CCDC62: variants seen among roughly 807,000 people sequenced by gnomAD.
The protein encoded by CCDC62 is coiled-coil domain containing 62, also known as coiled-coil domain-containing protein 62.
In CCDC62, 72 loss-of-function variants were observed where a neutral mutation model predicts 80.8. The observed-to-expected ratio is 0.89, with a 90% CI of 0.74 to 1.08. CCDC62 has a LOEUF of 1.08. CCDC62 is among the 50% of genes least tolerant of loss of function. CCDC62 has a pLI of 0.00. For missense variants in CCDC62, 704 were observed against 809.4 expected (o/e 0.87, Z 1.58); for synonymous variants, 286 against 296.5 (o/e 0.96, Z 0.36).
chr12:122,784,610 C>T (rs533783909), intron 3 of CCDC62, among the ~76,000 whole-genome samples: 4 of 151,878 alleles, frequency 2.6e-5, no homozygotes, highest in East Asian at 1.9e-4. Context: ...GTGGGAGGAT[C>T]GCTTAAGGCC....
At chr12:122,780,449 T>TA (rs1156741251) in intron 2 of CCDC62, among the ~76,000 whole-genome samples, 2 of 150,308 alleles carry the variant, frequency 1.3e-5, no homozygotes, top group Non-Finnish European at 3.0e-5. Flanking sequence ...CCGTCTCTAC[T>TA]AAAAATACAA....
At chr12:122,813,714 T>G (rs2032041774) in intron 11 of CCDC62, among the ~76,000 whole-genome samples, 1 of 152,156 alleles carries the variant, frequency 6.6e-6, no homozygotes, top group African/African-American at 2.4e-5. Flanking sequence ...TGAGGTGCAG[T>G]GGCACGATCT....
chr12:122,782,706 C>A (rs1382267789), intron 3 of CCDC62, among the ~76,000 whole-genome samples: 1 of 152,018 alleles, frequency 6.6e-6, no homozygotes. Flanking sequence ...GATCCGCCCG[C>A]CTCAGCCTCC....
At position 122,777,334 on chromosome 12, in the gene CCDC62, T is replaced by G. The variant is rs1031212072; in HGVS notation, c.37-157T>G. The G allele has an allele frequency of 1.6e-5, 10 of 612,342 alleles. No homozygotes were observed. The African/African-American group carries it at 1.9e-4, about 11-fold the overall frequency. The allele number at this position is 612,342 out of a possible 1,614,324, so 37.9% of individuals were successfully genotyped here. A position where few individuals can be genotyped will look rare whatever the true frequency, so the allele number is the denominator to read the frequency against. On this transcript the variant is annotated intron_variant, in intron 1 of 12. Transcript: ENST00000253079. ...TGGTAGATTTTAACTTGAACATGTT[T>G]TAAGTATACATAATCTTTTGCTGCC...
At chr12:122,786,075 C>T (rs2030201483) in intron 4 of CCDC62, among the ~76,000 whole-genome samples, 1 of 152,218 alleles carries the variant, frequency 6.6e-6, no homozygotes, top group Non-Finnish European at 1.5e-5. Flanking sequence ...TCTGAATTAA[C>T]TTGTTTTCTC....
intron 11 of CCDC62, among the ~76,000 whole-genome samples, chr12:122,814,146 T>C (rs910154231): frequency 5.9e-5 from 9 of 151,736 alleles, no homozygotes; most frequent in African/African-American, 2.2e-4. Context: ...CCGGACATAG[T>C]GGCACATGCC....
rs116089017 is a variant in CCDC62, at chr12:122,808,514, T to G, written c.1851+2219T>G. On this transcript the variant is annotated intron_variant, in intron 10 of 12. Transcript: ENST00000253079. ...AATGCTAGCTAGCTCATATGGTAGG[T>G]GTATATTTAACCTTTTTTTTTCTTT... 9.4e-3 allele frequency among the ~76,000 whole-genome samples: 1,427 copies of G among 151,978 alleles called. 31 individuals are homozygous for G. The highest frequency in any genetic ancestry group is 0.033 in the African/African-American group (1,388 of 41,438).
At chr12:122,797,275 GA>G in intron 6 of CCDC62, 31 bp from the exon 7 acceptor site, 1 of 1,076,790 alleles carries the variant, frequency 9.3e-7, no homozygotes, top group South Asian at 1.3e-5. Context: ...TATAGCTGAT[GA>G]AAAATGTTAA....
chr12:122,801,828 G>A lies in CCDC62; in HGVS notation c.1682G>A (p.Gly561Asp). The change falls in exon 9 of 13, where the codon GGC becomes GAC. Residue 561 changes from glycine (G) to aspartate (D), a missense_variant. By Grantham distance (94) the Gly-to-Asp change is moderately conservative. Coordinates refer to ENST00000253079, the MANE Select transcript of CCDC62 (RefSeq NM_201435.5). Reference protein sequence around the residue: ...SGCTCSESICGTQHDSPASEL... With the variant: ...SGCTCSESICDTQHDSPASEL... ...TGCACCTGTTCAGAAAGCATCTGTG[G>A]CACACAACATGACTCCCCGGCAAGG... 6.2e-7 allele frequency: 1 copy of A among 1,613,910 alleles called. No homozygotes were observed. Among genetic ancestry groups the A allele is most frequent in the Non-Finnish European group, 8.5e-7 (1 of 1,179,978 alleles).
At chr12:122,812,817 A>AAGAAAGAAAGAG (rs1566086802) in intron 10 of CCDC62, among the ~76,000 whole-genome samples, 10 of 149,988 alleles carry the variant, frequency 6.7e-5, no homozygotes, top group African/African-American at 2.5e-4. Context: ...GAAAGAAAGA[A>AAGAAAGAAAGAG]AGAAAGAAAG....
chr12:122,785,690 G>A, intron 3 of CCDC62, 29 bp from the exon 4 acceptor site: 1 of 1,405,204 alleles, frequency 7.1e-7, no homozygotes, highest in Non-Finnish European at 1.0e-6. Flanking sequence ...AAGGACTCAA[G>A]CAGTATCATC....
intron 12 of CCDC62, among the ~76,000 whole-genome samples, chr12:122,825,172 A>AGGG (rs369879926): frequency 4.5e-4 from 68 of 151,898 alleles, no homozygotes; most frequent in African/African-American, 1.4e-3. Context: ...TCCAGAAAGA[A>AGGG]GTTTTTTGTT....
At chr12:122,792,266 G>A (rs1044355402) in intron 6 of CCDC62, 145 bp downstream of exon 6, 3 of 597,236 alleles carry the variant, frequency 5.0e-6, no homozygotes, top group African/African-American at 3.8e-5. Flanking sequence ...TGTCACCCAG[G>A]CTGGAGTGCA....
chr12:122,797,203 A>G, intron 6 of CCDC62, 104 bp from the exon 7 acceptor site: 1 of 631,414 alleles, frequency 1.6e-6, no homozygotes, highest in Non-Finnish European at 2.9e-6. Context: ...AAGTACAGGA[A>G]CAACAACAAC....
At chr12:122,798,257 T>C (rs891380906) in intron 8 of CCDC62, 57 bp downstream of exon 8, 1 of 864,084 alleles carries the variant, frequency 1.2e-6, no homozygotes, top group African/African-American at 1.7e-5. Context: ...TCAGCCAGTA[T>C]TTACTGCGCA....
At chr12:122,787,809 TTTCCA>T (rs2030355478) in intron 4 of CCDC62, among the ~76,000 whole-genome samples, 1 of 151,726 alleles carries the variant, frequency 6.6e-6, no homozygotes, top group South Asian at 2.1e-4. Context: ...ATGAAAATGG[TTTCCA>T]TTAGAAGCAG....
chr12:122,813,192 A>C, intron 10 of CCDC62, 78 bp from the exon 11 acceptor site: 2 of 1,431,416 alleles, frequency 1.4e-6, no homozygotes, highest in Non-Finnish European at 1.9e-6. Context: ...GAAAGAAAAA[A>C]GAAAACAATA....
At chr12:122,775,621 A>G (rs1593772597) in intron 1 of CCDC62, among the ~76,000 whole-genome samples, 1 of 152,112 alleles carries the variant, frequency 6.6e-6, no homozygotes, top group East Asian at 1.9e-4. Flanking sequence ...ATTCTTATTT[A>G]TTTATTTTTG....
intron 6 of CCDC62, among the ~76,000 whole-genome samples, chr12:122,796,278 T>C (rs754498861): frequency 4.0e-5 from 6 of 151,682 alleles, no homozygotes; most frequent in Non-Finnish European, 5.9e-5. Flanking sequence ...TTGGCTTTTG[T>C]TTAGGGACCA....
Sources: gnomAD v4.1 joint callset for allele counts (sites outside exome capture counted in the v4.1 genomes callset) on GRCh38, gnomAD v4.1.1 for gene constraint, MANE v1.5 for transcripts, NCBI Gene and HGNC (gene_info 2026-07-23, HGNC 2026-07-21) for gene names.